Variants in VPS50 observed in about 807,000 individuals in gnomAD.
VPS50 encodes the protein VPS50 subunit of EARP/GARPII complex.
Under a neutral mutation model 139.7 loss-of-function variants are expected in VPS50, and 70 were observed. The observed-to-expected ratio is 0.50, with a 90% CI of 0.41 to 0.61. VPS50 has a LOEUF of 0.61. Ranked by LOEUF, VPS50 falls within the 20% of genes least tolerant of loss-of-function variation. The pLI is 0.00. For missense variants in VPS50, 921 were observed against 1,133.7 expected (o/e 0.81, Z 2.69); for synonymous variants, 365 against 376.7 (o/e 0.97, Z 0.36).
chr7:93,318,844 C>T (rs910323512), intron 20 of VPS50, among the ~76,000 whole-genome samples: 3 of 152,034 alleles, frequency 2.0e-5, no homozygotes, highest in South Asian at 4.2e-4. Context: ...CAAACAACAT[C>T]GGTTCTCTTT....
intron 2 of VPS50, among the ~76,000 whole-genome samples, chr7:93,246,720 T>C (rs1795167140): frequency 1.3e-5 from 2 of 151,882 alleles, no homozygotes; most frequent in Admixed American, 6.6e-5. Flanking sequence ...TTTTAGATAA[T>C]TTAAAAGTAG....
At chr7:93,317,626 G>C (rs1018779353) in intron 20 of VPS50, among the ~76,000 whole-genome samples, 1 of 152,090 alleles carries the variant, frequency 6.6e-6, no homozygotes, top group African/African-American at 2.4e-5. Flanking sequence ...GTAGGTCTAG[G>C]GTATAACCTG....
chr7:93,246,246 A>C (rs1795150336), intron 2 of VPS50: 2 of 690,006 alleles, frequency 2.9e-6, no homozygotes, highest in Non-Finnish European at 5.0e-6. Flanking sequence ...GCAAACCGCA[A>C]ATCATGCTTG....
At chr7:93,355,751 C>T (rs1218406922) in intron 26 of VPS50, 140 bp from the exon 27 acceptor site, 9 of 484,594 alleles carry the variant, frequency 1.9e-5, no homozygotes, top group Non-Finnish European at 3.0e-5. Flanking sequence ...TGACTCAAGG[C>T]TTATGTTCTC....
chr7:93,305,377 G>A (rs1464599470), intron 17 of VPS50, among the ~76,000 whole-genome samples: 3 of 151,942 alleles, frequency 2.0e-5, no homozygotes, highest in Non-Finnish European at 4.4e-5. Flanking sequence ...ACACAGATAT[G>A]TACTTCATAC....
intron 20 of VPS50, among the ~76,000 whole-genome samples, chr7:93,315,099 C>T (rs1236332556): frequency 6.6e-6 from 1 of 152,092 alleles, no homozygotes; most frequent in African/African-American, 2.4e-5. Flanking sequence ...TATCTCCTCT[C>T]TCCTATTTTT....
In VPS50 at chr7:93,311,272, G is replaced by GGTAA; in HGVS notation, c.1855+4_1855+7dup. On this transcript the variant is annotated frameshift_variant and splice_region_variant. Transcript: ENST00000305866. LOFTEE classifies it high-confidence loss of function. ...AACATTGAACGTCATAAGACTTGTT[G>GGTAA]GTAAGTAGCTACACCTTTAAAAAAA... 2 of 1,051,680 alleles carry GGTAA rather than the reference G, an allele frequency of 1.9e-6. No homozygotes were observed. The highest frequency in any genetic ancestry group is 3.0e-6 in the Non-Finnish European group (2 of 670,310). 65.1% of individuals were successfully genotyped at this position (1,051,680 alleles called of 1,614,324 possible). A position where few individuals can be genotyped will look rare whatever the true frequency, so the allele number is the denominator to read the frequency against.
rs1034248844 is a variant in VPS50, at chr7:93,358,719, G to A, written c.*283G>A. On this transcript the variant is annotated 3_prime_UTR_variant, in exon 28 of 28. Coordinates refer to ENST00000305866, the MANE Select transcript of VPS50 (RefSeq NM_017667.4). ...ACAGTTATACATTTTACAGAAGAAT[G>A]TACCATAAGTATATAATTAGAAGAA... 1.7e-5 allele frequency: 4 copies of A among 235,950 alleles called. No homozygotes were observed. The highest frequency in any genetic ancestry group is 8.5e-5 in the East Asian group (1 of 11,778). The allele number at this position is 235,950 out of a possible 1,614,324, so 14.6% of individuals were successfully genotyped here.
At chr7:93,333,602 T>C (rs1262669537) in intron 21 of VPS50, among the ~76,000 whole-genome samples, 3 of 152,226 alleles carry the variant, frequency 2.0e-5, no homozygotes, top group Non-Finnish European at 4.4e-5. Flanking sequence ...TGCTTTGGCT[T>C]TGTTGTAGTG....
chr7:93,256,707 G>A, intron 5 of VPS50, 145 bp downstream of exon 5: 1 of 497,620 alleles, frequency 2.0e-6, no homozygotes, highest in Non-Finnish European at 3.5e-6. Flanking sequence ...GTATATGTAT[G>A]TATGTATATT....
At chr7:93,282,073 G>A (rs1052007788) in intron 12 of VPS50, among the ~76,000 whole-genome samples, 1 of 151,762 alleles carries the variant, frequency 6.6e-6, no homozygotes, top group Non-Finnish European at 1.5e-5. Context: ...GCGTGGTGGC[G>A]GGCGCTTGTA....
intron 9 of VPS50, among the ~76,000 whole-genome samples, chr7:93,269,120 C>G (rs1395747766): frequency 6.6e-6 from 1 of 151,974 alleles, no homozygotes; most frequent in African/African-American, 2.4e-5. Flanking sequence ...TTTTGTTTTG[C>G]TTTTCTTGTG....
At chr7:93,275,639 G>A (rs1189404205) in intron 11 of VPS50, among the ~76,000 whole-genome samples, 1 of 152,042 alleles carries the variant, frequency 6.6e-6, no homozygotes, top group Non-Finnish European at 1.5e-5. Context: ...TATACACTGG[G>A]AAATAAAAAA....
At position 93,256,502 on chromosome 7, in the gene VPS50, C is replaced by G; in HGVS notation, c.298-7C>G. The G allele has an allele frequency of 7.5e-7, 1 of 1,335,532 alleles. No homozygotes were observed. The highest frequency in any genetic ancestry group is 1.0e-6 in the Non-Finnish European group (1 of 977,558). The allele number at this position is 1,335,532 out of a possible 1,614,324, so 82.7% of individuals were successfully genotyped here. On this transcript the variant is annotated splice_region_variant and splice_polypyrimidine_tract_variant and intron_variant, in intron 4 of 27. Coordinates refer to ENST00000305866, the MANE Select transcript of VPS50 (RefSeq NM_017667.4). ...TATTTCCTTTGTTTGATTACATCTT[C>G]TTATAGGTATCTAAAAAAGTGGCAG...
Position 93,308,913 on chromosome 7 carries a change from T to C in VPS50, c.1719T>C (p.Asp573=), listed in dbSNP as rs1475805805. The change falls in exon 19 of 28, where the codon GAT becomes GAC. Residue 573 remains aspartate (D), a synonymous_variant. Coordinates refer to ENST00000305866, the MANE Select transcript of VPS50 (RefSeq NM_017667.4). ...AGGAACTCAAACGAGACTATGTGGA[T>C]GAGCAGACAGGAGATGGTCCTGTGA... ...VPEELKRDYV[D]EQTGDGPVKS... is the part of the protein sequence containing the mutation. 1 of 1,598,142 alleles carries C rather than the reference T, an allele frequency of 6.3e-7. No individual in the cohort carries two copies. The highest frequency in any genetic ancestry group is 8.6e-7 in the Non-Finnish European group (1 of 1,166,166).
At position 93,355,941 on chromosome 7, in the gene VPS50, T is replaced by A; in HGVS notation, c.2636T>A (p.Leu879Ter). The A allele has an allele frequency of 6.2e-7, 1 of 1,605,282 alleles. No homozygotes were observed. The highest frequency in any genetic ancestry group is 8.5e-7 in the Non-Finnish European group (1 of 1,173,346). ...AATGAGGGTCGTGCCCTGATGCAAT[T>A]GGATTTTCAACAGTTTTTAATGAAA... ...CSNEGRALMQ[L>*]DFQQFLMKLE... Residue 879 changes from leucine to a stop codon, truncating the protein, a stop_gained, in exon 27 of 28, where the codon TTG (leucine) becomes TAG (stop). Coordinates refer to ENST00000305866, the MANE Select transcript of VPS50 (RefSeq NM_017667.4). LOFTEE classifies it high-confidence loss of function.
chr7:93,295,399 G>C (rs1477168961), intron 14 of VPS50: 1 of 152,082 alleles, frequency 6.6e-6, no homozygotes, highest in Admixed American at 6.5e-5. Flanking sequence ...ATCTCACAAA[G>C]GCCCCACCTT....
chr7:93,328,246 C>G (rs1472314427), intron 21 of VPS50, among the ~76,000 whole-genome samples: 1 of 151,990 alleles, frequency 6.6e-6, no homozygotes, highest in Admixed American at 6.6e-5. Flanking sequence ...TTGTGAAGAC[C>G]ATTCTGTAAC....
rs1339644932 is a variant in VPS50 at position 93,308,962 on chromosome 7, G to A, written c.1748+20G>A. 2 of 1,237,902 alleles carry A rather than the reference G, an allele frequency of 1.6e-6. No homozygotes were observed. The highest frequency in any genetic ancestry group is 2.4e-6 in the Non-Finnish European group (2 of 840,684). 76.7% of individuals were successfully genotyped at this position (1,237,902 alleles called of 1,614,324 possible). On this transcript the variant is annotated intron_variant, in intron 19 of 27. Transcript: ENST00000305866. ...GAAAAGGTGATTGTTCTTAAATTGT[G>A]TGGTATTTAGCATTTTATCTTGTGC... is the stretch of plus-strand genomic sequence containing the variant.
Sources: allele counts gnomAD v4.1 joint callset (sites outside exome capture counted in the v4.1 genomes callset), GRCh38; gene constraint gnomAD v4.1.1; transcripts MANE v1.5; gene names NCBI Gene and HGNC (gene_info 2026-07-23, HGNC 2026-07-21).